VRK1: variants seen among roughly 807,000 people sequenced by gnomAD.
VRK1 encodes serine/threonine-protein kinase VRK1.
VRK1 carries 33 observed loss-of-function variants against 57.1 expected under a neutral mutation model. The observed-to-expected ratio is 0.58, with a 90% CI of 0.44 to 0.77. The LOEUF is 0.77. Ranked by LOEUF, VRK1 falls within the 30% of genes least tolerant of loss-of-function variation. The pLI, the probability that VRK1 is intolerant of heterozygous loss-of-function variation, is 0.00. For synonymous variants in VRK1, 137 were observed against 147.8 expected (o/e 0.93, Z 0.53); for missense variants, 413 against 477.3 (o/e 0.87, Z 1.25).
At chr14:96,802,688 C>G (rs1449351933) in intron 1 of VRK1, among the ~76,000 whole-genome samples, 2 of 152,204 alleles carry the variant, frequency 1.3e-5, no homozygotes, top group African/African-American at 4.8e-5. Flanking sequence ...ATTAGACACA[C>G]AAAAGAATGT....
chr14:96,867,179 C>T lies in VRK1; in HGVS notation c.1068+6444C>T, dbSNP rs563326198. ...TTTGTTTGTTATCCATGTCCTTTCT[C>T]TTGACTTTATGTTTCAGAGTATATG... On this transcript the variant is annotated intron_variant, in intron 11 of 12. Coordinates refer to ENST00000216639, the MANE Select transcript of VRK1 (RefSeq NM_003384.3). Among the ~76,000 whole-genome samples the T allele has an allele frequency of 3.3e-5, 5 of 152,124 alleles. No individual in the cohort carries two copies. In the South Asian group the frequency reaches 6.2e-4, roughly 19 times the overall value.
intron 11 of VRK1, among the ~76,000 whole-genome samples, chr14:96,861,543 A>T (rs150837161): frequency 9.8e-4 from 149 of 152,294 alleles, no homozygotes; most frequent in African/African-American, 2.6e-3. Context: ...TAATAGATTT[A>T]TTTGGAAATC....
chr14:96,832,367 T>G (rs112521353), intron 1 of VRK1, among the ~76,000 whole-genome samples: 4 of 152,270 alleles, frequency 2.6e-5, no homozygotes, highest in African/African-American at 9.6e-5. Flanking sequence ...CTCCAGTATG[T>G]TTTTAGGGAA....
In VRK1 at chr14:96,808,002, C is replaced by CGTCTCTCTCT. The variant is rs1555357994; in HGVS notation, c.-6+10555_-6+10556insGTCTCTCTCT. Among the ~76,000 whole-genome samples, 1,163 of 118,228 alleles carry CGTCTCTCTCT rather than the reference C, an allele frequency of 9.8e-3. 58 individuals carry two copies. Among genetic ancestry groups the CGTCTCTCTCT allele is most frequent in the African/African-American group, 0.039 (1,087 of 28,064 alleles). The allele number at this position is 118,228 out of a possible 152,430, so 77.6% of individuals were successfully genotyped here. A position where few individuals can be genotyped will look rare whatever the true frequency, so the allele number is the denominator to read the frequency against. ...GTCTCTCTCCCTCTCTCCCTCTCTC[C>CGTCTCTCTCT]CTCTCTCTCTCCCTCTGTGTGTGTG... is the stretch of plus-strand genomic sequence containing the variant. On this transcript the variant is annotated intron_variant, in intron 1 of 12. Transcript: ENST00000216639.
intron 12 of VRK1, among the ~76,000 whole-genome samples, chr14:96,877,858 A>ATT (rs533990098): frequency 5.3e-5 from 8 of 151,554 alleles, no homozygotes; most frequent in African/African-American, 1.9e-4. Context: ...ATAATTATGA[A>ATT]TTTTTTTTTA....
intron 1 of VRK1, among the ~76,000 whole-genome samples, chr14:96,819,504 A>G (rs774603290): frequency 2.6e-5 from 4 of 152,192 alleles, no homozygotes; most frequent in Non-Finnish European, 5.9e-5. Context: ...ACTGTTCCAA[A>G]GTTCCACTGA....
chr14:96,837,236 AT>A (rs1221031555), intron 2 of VRK1, among the ~76,000 whole-genome samples: 1 of 152,244 alleles, frequency 6.6e-6, no homozygotes, highest in African/African-American at 2.4e-5. Context: ...ATGAAATAAA[AT>A]GATAGCCACA....
intron 1 of VRK1, among the ~76,000 whole-genome samples, chr14:96,825,581 A>G (rs971247364): frequency 3.3e-5 from 5 of 152,230 alleles, no homozygotes; most frequent in African/African-American, 9.6e-5. Context: ...GTCACATGCA[A>G]TAAGAGGTAC....
At chr14:96,843,860 A>T (rs1422127297) in intron 3 of VRK1, among the ~76,000 whole-genome samples, 1 of 152,224 alleles carries the variant, frequency 6.6e-6, no homozygotes, top group Non-Finnish European at 1.5e-5. Context: ...AAGAAGTATG[A>T]AATGAGCTCA....
chr14:96,879,435 A>G (rs1259766255), intron 12 of VRK1, among the ~76,000 whole-genome samples: 2 of 152,176 alleles, frequency 1.3e-5, no homozygotes, highest in African/African-American at 4.8e-5. Context: ...AAAATGGCAA[A>G]TTAAGACATT....
At chr14:96,851,625 A>G (rs560415671) in intron 5 of VRK1, among the ~76,000 whole-genome samples, 7 of 152,266 alleles carry the variant, frequency 4.6e-5, no homozygotes, top group Admixed American at 4.6e-4. Flanking sequence ...TTCCTTCCCT[A>G]TTGAACTTGT....
intron 1 of VRK1, among the ~76,000 whole-genome samples, chr14:96,812,037 A>G (rs965633350): frequency 4.6e-5 from 7 of 152,240 alleles, no homozygotes; most frequent in African/African-American, 1.7e-4. Flanking sequence ...AATTGGAATC[A>G]TATAATATGT....
At chr14:96,821,441 A>AAAAAC (rs781353292) in intron 1 of VRK1, among the ~76,000 whole-genome samples, 9 of 152,214 alleles carry the variant, frequency 5.9e-5, no homozygotes, top group Non-Finnish European at 1.0e-4. Context: ...TAAAGTTAAA[A>AAAAAC]AAAACAAAAC....
intron 3 of VRK1, among the ~76,000 whole-genome samples, chr14:96,838,649 A>G (rs1454352666): frequency 2.0e-5 from 3 of 152,186 alleles, no homozygotes; most frequent in Non-Finnish European, 4.4e-5. Flanking sequence ...GGATGCCCCC[A>G]TGACTTAATT....
At chr14:96,797,670 C>G (rs1271688469) in intron 1 of VRK1, among the ~76,000 whole-genome samples, 1 of 152,094 alleles carries the variant, frequency 6.6e-6, no homozygotes, top group Non-Finnish European at 1.5e-5. Context: ...GTTCAGGCCC[C>G]GCAGGCGCCC....
At chr14:96,843,375 AC>A in intron 3 of VRK1, among the ~76,000 whole-genome samples, 1 of 152,300 alleles carries the variant, frequency 6.6e-6, no homozygotes, top group South Asian at 2.1e-4. Context: ...TCAGATGTGA[AC>A]TGATAAGAAT....
chr14:96,829,370 T>C (rs1886920348), intron 1 of VRK1, among the ~76,000 whole-genome samples: 1 of 152,172 alleles, frequency 6.6e-6, no homozygotes, highest in South Asian at 2.1e-4. Context: ...ATTTTAAGAC[T>C]ACAATTTGTT....
chr14:96,834,411 A>G (rs953459999), intron 2 of VRK1, among the ~76,000 whole-genome samples: 12 of 152,302 alleles, frequency 7.9e-5, no homozygotes, highest in Non-Finnish European at 1.0e-4. Flanking sequence ...TCACTTGGGA[A>G]CTTGTTAGAC....
chr14:96,811,046 C>T (rs967267549), intron 1 of VRK1, among the ~76,000 whole-genome samples: 1 of 152,114 alleles, frequency 6.6e-6, no homozygotes, highest in African/African-American at 2.4e-5. Flanking sequence ...TCTCCCACCT[C>T]AGCCTCCCAA....
Sources: gnomAD v4.1 joint callset for allele counts (sites outside exome capture counted in the v4.1 genomes callset) on GRCh38, gnomAD v4.1.1 for gene constraint, MANE v1.5 for transcripts, NCBI Gene and HGNC (gene_info 2026-07-23, HGNC 2026-07-21) for gene names.